PBRM1: variants seen among roughly 807,000 people sequenced by gnomAD.
PBRM1 encodes polybromo 1.
PBRM1 carries 27 observed loss-of-function variants against 194.5 expected under a neutral mutation model. That is an observed-to-expected ratio of 0.14 (90% CI 0.10 to 0.19). PBRM1 has a LOEUF of 0.19. Among genes scored for constraint, PBRM1 ranks in the 10% least tolerant of loss-of-function variants. PBRM1 has a pLI of 1.00. For synonymous variants in PBRM1, 655 were observed against 693.2 expected (o/e 0.94, Z 0.87); for missense variants, 1,466 against 2,077.2 (o/e 0.71, Z 5.72).
In PBRM1 at chr3:52,662,837, A is replaced by C. The variant is rs555601309; in HGVS notation, c.385-561T>G. Among the ~76,000 whole-genome samples, 146 of 151,724 alleles carry C rather than the reference A, an allele frequency of 9.6e-4. 1 individual carries two copies. Among genetic ancestry groups the C allele is most frequent in the South Asian group, 2.3e-3 (11 of 4,818 alleles). ...AAGACTCTGTCTTAAAAAAAAAAAA[A>C]AAAACACCAAAAAACCCAAAAAAAC... is the stretch of plus-strand genomic sequence containing the variant. On this transcript the variant is annotated intron_variant, in intron 3 of 29. Transcript: ENST00000296302.
chr3:52,571,259 G>T (rs1308950147), intron 22 of PBRM1, among the ~76,000 whole-genome samples: 1 of 149,104 alleles, frequency 6.7e-6, no homozygotes, highest in Non-Finnish European at 1.5e-5. Context: ...GGAGGTGGAG[G>T]TTGCAGTGAG....
At chr3:52,613,296 G>C (rs1404567542) in intron 15 of PBRM1, among the ~76,000 whole-genome samples, 1 of 151,502 alleles carries the variant, frequency 6.6e-6, no homozygotes, top group Non-Finnish European at 1.5e-5. Context: ...TTTGACAAAT[G>C]ATGGGTAACA....
chr3:52,637,300 T>C (rs1390507251), intron 10 of PBRM1, among the ~76,000 whole-genome samples: 1 of 152,192 alleles, frequency 6.6e-6, no homozygotes, highest in Non-Finnish European at 1.5e-5. Context: ...TTGTTTCTGT[T>C]GGTAAGGGAA....
downstream of PBRM1, chr3:52,545,982 A>AG (rs1407036575): frequency 2.6e-5 from 6 of 233,100 alleles, no homozygotes. Flanking sequence ...AAACTTAATT[A>AG]GGGCCTGTCT....
At chr3:52,561,356 A>G (rs2083470210) in intron 25 of PBRM1, among the ~76,000 whole-genome samples, 1 of 152,212 alleles carries the variant, frequency 6.6e-6, no homozygotes, top group South Asian at 2.1e-4. Context: ...GTTTAAATAT[A>G]TGGCTTACCA....
intron 2 of PBRM1, among the ~76,000 whole-genome samples, chr3:52,673,138 C>T (rs2096988869): frequency 6.6e-6 from 1 of 151,490 alleles, no homozygotes; most frequent in Admixed American, 6.6e-5. Context: ...CAGGCACCCA[C>T]CACCACGCCC....
chr3:52,627,490 T>C, intron 12 of PBRM1, 120 bp from the exon 14 acceptor site: 2 of 616,582 alleles, frequency 3.2e-6, no homozygotes, highest in South Asian at 2.0e-5. Flanking sequence ...ATGCAGGATG[T>C]ACAAAATGAA....
chr3:52,634,045 C>T (rs1216155787), intron 11 of PBRM1, among the ~76,000 whole-genome samples: 1 of 152,092 alleles, frequency 6.6e-6, no homozygotes, highest in Admixed American at 6.6e-5. Flanking sequence ...GGGGTTTCAA[C>T]TATAGATACA....
chr3:52,641,862 G>T, intron 10 of PBRM1, 92 bp downstream of exon 11: 1 of 826,330 alleles, frequency 1.2e-6, no homozygotes. Flanking sequence ...TCCCAAACCA[G>T]CAAACCCTAG....
chr3:52,578,980 G>T (rs780321641), intron 21 of PBRM1, 74 bp downstream of exon 23: 6 of 1,429,368 alleles, frequency 4.2e-6, no homozygotes, highest in Non-Finnish European at 5.9e-6. Context: ...GTCTTCATCC[G>T]AAGGGTGACT....
chr3:52,622,998 C>T (rs2095332450), intron 13 of PBRM1, among the ~76,000 whole-genome samples: 1 of 152,118 alleles, frequency 6.6e-6, no homozygotes, highest in Non-Finnish European at 1.5e-5. Context: ...ATTATTACCC[C>T]AACTATGCAG....
Position 52,554,853 on chromosome 3 carries a change from G to C in PBRM1, c.4480C>G (p.Leu1494Val), listed in dbSNP as rs778843055. 3 of 1,607,076 alleles carry C rather than the reference G, an allele frequency of 1.9e-6. No individual in the cohort carries two copies. In the Admixed American group the frequency reaches 5.2e-5, roughly 28 times the overall value. The change falls in exon 27 of 30, where the codon CTT (leucine) becomes GTT (valine). Residue 1494 changes from leucine (L) to valine (V), a missense_variant. Coordinates refer to ENST00000296302, the Ensembl canonical transcript of PBRM1. Reference sequence around the variant, plus strand: ...TCAACTGGGCCCTGCAAAGGTGGAAGGCCTGGCGGATAGCCACCCATCATG... The same window carrying C: ...TCAACTGGGCCCTGCAAAGGTGGAACGCCTGGCGGATAGCCACCCATCATG...
intron 7 of PBRM1, among the ~76,000 whole-genome samples, chr3:52,646,027 T>TA (rs1174921925): frequency 6.6e-6 from 1 of 152,194 alleles, no homozygotes; most frequent in African/African-American, 2.4e-5. Context: ...TGAATGTACT[T>TA]GCTTAAGTTT....
At chr3:52,608,076 C>T (rs550152592) in intron 16 of PBRM1, among the ~76,000 whole-genome samples, 1 of 152,194 alleles carries the variant, frequency 6.6e-6, no homozygotes, top group South Asian at 2.1e-4. Context: ...ACCATCTTTA[C>T]TAAATATAAG....
chr3:52,637,882 G>A (rs2153675697), intron 10 of PBRM1, among the ~76,000 whole-genome samples: 1 of 151,366 alleles, frequency 6.6e-6, no homozygotes, highest in South Asian at 2.1e-4. Flanking sequence ...GGAGGCAGAG[G>A]TTGCCATGAG....
At chr3:52,628,952 T>C (rs2095531976) in exon 12 of PBRM1, 3 of 1,613,090 alleles carry the variant, frequency 1.9e-6, no homozygotes, top group African/African-American at 2.7e-5. Context: ...GGGCACATTA[T>C]AGCGTTTGGC....
intron 2 of PBRM1, among the ~76,000 whole-genome samples, chr3:52,676,114 C>CAAAAAAAA (rs1019237005): frequency 2.0e-4 from 1 of 5,116 alleles, no homozygotes; most frequent in African/African-American, 2.3e-3. Context: ...GACTCCGTCT[C>CAAAAAAAA]AAAAAAAAAA....
At chr3:52,611,462 C>T (rs1375626704) in intron 15 of PBRM1, among the ~76,000 whole-genome samples, 1 of 152,080 alleles carries the variant, frequency 6.6e-6, no homozygotes. Flanking sequence ...CCTCTGGCTC[C>T]AACTACCAAT....
intron 16 of PBRM1, among the ~76,000 whole-genome samples, chr3:52,604,923 T>C (rs1187125149): frequency 6.7e-6 from 1 of 149,844 alleles, no homozygotes; most frequent in African/African-American, 2.5e-5. Context: ...CGCTGCACTC[T>C]AGTCTGGGCA....
Sources: gnomAD v4.1 joint callset for allele counts (sites outside exome capture counted in the v4.1 genomes callset) on GRCh38, gnomAD v4.1.1 for gene constraint, MANE v1.5 for transcripts, NCBI Gene and HGNC (gene_info 2026-07-23, HGNC 2026-07-21) for gene names.